Variants in AKAP11 observed in about 807,000 individuals in gnomAD.
AKAP11 encodes A-kinase anchor protein 11.
In AKAP11, 36 loss-of-function variants were observed where a neutral mutation model predicts 146.1. The observed-to-expected ratio is 0.25, with a 90% CI of 0.19 to 0.33. The LOEUF (loss-of-function observed/expected upper bound fraction) is 0.33. Among genes scored for constraint, AKAP11 ranks in the 10% least tolerant of loss-of-function variants. The pLI is 1.00. For missense variants in AKAP11, 2,201 were observed against 2,197.0 expected (o/e 1.00, Z -0.04); for synonymous variants, 780 against 786.5 (o/e 0.99, Z 0.14).
rs1484571098 is a variant in AKAP11, at chr13:42,303,264, A to G, written c.4518A>G (p.Glu1506=). Residue 1506 remains glutamate, a synonymous_variant, in exon 8 of 13, where the codon GAA becomes GAG. Transcript: ENST00000025301. ...ATAATGAGTGTCACGTTACACCAGA[A>G]TTGCCTAAGTCTCTTCAGCCTTCCT... ...EEDNECHVTP[E]LPKSLQPSSQ... 1 of 1,613,660 alleles carries G rather than the reference A, an allele frequency of 6.2e-7. No homozygotes were observed. Among genetic ancestry groups the G allele is most frequent in the Non-Finnish European group, 8.5e-7 (1 of 1,180,012 alleles).
chr13:42,298,153 A>C (rs1252192203), intron 6 of AKAP11, among the ~76,000 whole-genome samples: 1 of 152,052 alleles, frequency 6.6e-6, no homozygotes, highest in East Asian at 1.9e-4. Flanking sequence ...AAATAAAAGA[A>C]AATAGAACTT....
chr13:42,286,483 T>G (rs1452375136), intron 3 of AKAP11, 84 bp downstream of exon 3: 2 of 996,206 alleles, frequency 2.0e-6, no homozygotes, highest in Non-Finnish European at 1.5e-6. Context: ...CTATGATGTT[T>G]TGTTTAAATG....
chr13:42,305,428 T>G (rs1388553906), intron 8 of AKAP11, among the ~76,000 whole-genome samples: 1 of 152,166 alleles, frequency 6.6e-6, no homozygotes, highest in Non-Finnish European at 1.5e-5. Flanking sequence ...GCCTTCTTTC[T>G]CCTAGACCAG....
intron 1 of AKAP11, among the ~76,000 whole-genome samples, chr13:42,279,024 T>A (rs1044786870): frequency 2.6e-5 from 4 of 152,110 alleles, no homozygotes; most frequent in Non-Finnish European, 5.9e-5. Flanking sequence ...TGTCCTTGGT[T>A]CCTCTGTATA....
In AKAP11 at chr13:42,300,911, C is replaced by T. The variant is rs118056638; in HGVS notation, c.2165C>T (p.Thr722Met). 119 of 1,614,084 alleles carry T rather than the reference C, an allele frequency of 7.4e-5. No individual in the cohort carries two copies. Among genetic ancestry groups the T allele is most frequent in the Middle Eastern group, 3.3e-4 (2 of 6,060 alleles). ...ACAAAGGCAGCAGTTAGTGTCTCTA[C>T]GGATAATATCAAGTATGTGAGTGCA... is the stretch of plus-strand genomic sequence containing the variant. ...FTTKAAVSVS[T>M]DNIKYVSAES... is the part of the protein sequence containing the mutation. The change falls in exon 8 of 13, where the codon ACG (threonine) becomes ATG (methionine). Residue 722 changes from threonine (T) to methionine (M), a missense_variant. Coordinates refer to ENST00000025301, the MANE Select transcript of AKAP11 (RefSeq NM_016248.4).
intron 4 of AKAP11, among the ~76,000 whole-genome samples, chr13:42,293,336 A>G (rs1448115211): frequency 1.3e-5 from 2 of 152,206 alleles, no homozygotes; most frequent in Non-Finnish European, 2.9e-5. Flanking sequence ...CAGAAGTCCA[A>G]CCATCATAAG....
chr13:42,306,189 A>G lies in AKAP11; in HGVS notation c.5118-2265A>G, dbSNP rs1960249235. Among the ~76,000 whole-genome samples the G allele has an allele frequency of 3.3e-5, 5 of 152,234 alleles. No homozygotes were observed. In the South Asian group the frequency reaches 1.0e-3, roughly 32 times the overall value. On this transcript the variant is annotated intron_variant, in intron 8 of 12. Coordinates refer to ENST00000025301, the MANE Select transcript of AKAP11 (RefSeq NM_016248.4). Reference sequence around the variant, plus strand: ...AGTTCCTAGTATGATAATAAACATAATAAATTGTTAATAAATATTCTCATG... The same window carrying G: ...AGTTCCTAGTATGATAATAAACATAGTAAATTGTTAATAAATATTCTCATG...
intron 2 of AKAP11, 63 bp from the exon 3 acceptor site, chr13:42,286,237 C>A: frequency 1.7e-6 from 1 of 599,278 alleles, no homozygotes. Flanking sequence ...ATTAATTTAG[C>A]ACAAAATGCT....
At chr13:42,291,286 T>C (rs1959209064) in intron 3 of AKAP11, among the ~76,000 whole-genome samples, 9 of 152,178 alleles carry the variant, frequency 5.9e-5, no homozygotes, top group Admixed American at 5.9e-4. Context: ...GGAATCTCAC[T>C]CTGTCGCCCA....
chr13:42,311,379 A>C (rs1169056437), intron 9 of AKAP11, among the ~76,000 whole-genome samples: 1 of 152,226 alleles, frequency 6.6e-6, no homozygotes, highest in Non-Finnish European at 1.5e-5. Context: ...CATACTTCCC[A>C]CTTAGGATAG....
chr13:42,276,919 C>T (rs897802582), intron 1 of AKAP11, among the ~76,000 whole-genome samples: 8 of 152,136 alleles, frequency 5.3e-5, no homozygotes, highest in Non-Finnish European at 1.2e-4. Context: ...GAAATGTGTT[C>T]CTGGGTTAAA....
chr13:42,278,359 A>T (rs1246682761), intron 1 of AKAP11, among the ~76,000 whole-genome samples: 1 of 152,234 alleles, frequency 6.6e-6, no homozygotes, highest in Non-Finnish European at 1.5e-5. Flanking sequence ...GTCAAATAAC[A>T]GGTCTGTACC....
intron 3 of AKAP11, among the ~76,000 whole-genome samples, chr13:42,287,626 A>AT (rs5803121): frequency 0.12 from 18,746 of 152,106 alleles, 1,301 homozygotes; most frequent in South Asian, 0.17. Flanking sequence ...TTTGAGGTAA[A>AT]TTACCTTTAA....
chr13:42,299,355 T>C lies in AKAP11; in HGVS notation c.617-8T>C. 1.9e-6 allele frequency: 3 copies of C among 1,569,916 alleles called. No homozygotes were observed. The highest frequency in any genetic ancestry group is 1.7e-6 in the Non-Finnish European group (2 of 1,162,630). ...AAATAATTTCACCATTTCATTCTTT[T>C]CCTATAGGAATGAACATTACTGTGC... On this transcript the variant is annotated splice_region_variant and splice_polypyrimidine_tract_variant and intron_variant, in intron 7 of 12. Transcript: ENST00000025301.
Position 42,303,664 on chromosome 13 carries a change from A to G in AKAP11, c.4918A>G (p.Ile1640Val). ...SRIFHLSVPQ[I>V]HVNLDKKAVL... is the part of the protein sequence containing the mutation. ...GATTTTTCATCTCAGTGTCCCTCAG[A>G]TTCATGTTAATCTTGATAAGAAGGC... Residue 1640 changes from isoleucine (I) to valine (V), a missense_variant, in exon 8 of 13, where the codon ATT becomes GTT. This residue lies in a region of AKAP11 where 1,867 missense variants were observed against 1,833.5 expected (regional missense o/e 1.02). Transcript: ENST00000025301. 6.2e-7 allele frequency: 1 copy of G among 1,614,140 alleles called. No homozygotes were observed. Among genetic ancestry groups the G allele is most frequent in the Non-Finnish European group, 8.5e-7 (1 of 1,179,992 alleles).
chr13:42,284,714 A>G (rs145791780), intron 1 of AKAP11, among the ~76,000 whole-genome samples: 139 of 152,340 alleles, frequency 9.1e-4, no homozygotes, highest in African/African-American at 3.2e-3. Flanking sequence ...ACGGTATCAT[A>G]TACATTGAGG....
chr13:42,277,546 CAAT>C (rs1344014712), intron 1 of AKAP11, among the ~76,000 whole-genome samples: 2 of 152,130 alleles, frequency 1.3e-5, no homozygotes, highest in Non-Finnish European at 2.9e-5. Flanking sequence ...GTTGAAAAAT[CAAT>C]AATTTTTCTC....
intron 11 of AKAP11, among the ~76,000 whole-genome samples, chr13:42,316,727 C>G (rs899253326): frequency 1.3e-5 from 2 of 152,198 alleles, no homozygotes; most frequent in Non-Finnish European, 2.9e-5. Flanking sequence ...GATCTCTCAC[C>G]TGTAGAATGG....
chr13:42,319,349 AAATATAGCTTTCTGAGCGCTTTGTGT>A lies in AKAP11; in HGVS notation c.*122_*147del. 7.7e-7 allele frequency: 1 copy of A among 1,301,666 alleles called. No individual in the cohort carries two copies. The highest frequency in any genetic ancestry group is 1.0e-6 in the Non-Finnish European group (1 of 968,056). 80.6% of individuals were successfully genotyped at this position (1,301,666 alleles called of 1,614,324 possible). On this transcript the variant is annotated 3_prime_UTR_variant, in exon 13 of 13. Coordinates refer to ENST00000025301, the MANE Select transcript of AKAP11 (RefSeq NM_016248.4). ...ATCGTAAGTCAGTTGGGAGGCAAGT[AAATATAGCTTTCTGAGCGCTTTGTGT>A]TATCACTCGGTGTATATAGTTCATA...
Sources: allele counts gnomAD v4.1 joint callset (sites outside exome capture counted in the v4.1 genomes callset), GRCh38; gene constraint gnomAD v4.1.1; regional missense constraint gnomAD v4.1.1; transcripts MANE v1.5; gene names NCBI Gene and HGNC (gene_info 2026-07-23, HGNC 2026-07-21).